RORB: variants seen among roughly 807,000 people sequenced by gnomAD.
RORB encodes the protein RAR related orphan receptor B, also known as nuclear receptor ROR-beta.
In RORB, 6 loss-of-function variants were observed where a neutral mutation model predicts 59.1. The ratio of observed to expected loss-of-function variants is 0.10; its 90% CI spans 0.06 to 0.20. RORB has a LOEUF of 0.20. Ranked by LOEUF, RORB falls within the 10% of genes least tolerant of loss-of-function variation. The pLI is 1.00. For missense variants in RORB, 320 were observed against 560.5 expected (o/e 0.57, Z 4.33); for synonymous variants, 215 against 204.5 (o/e 1.05, Z -0.44).
At chr9:74,657,620 AAGTT>A (rs1824105877) in intron 4 of RORB, among the ~76,000 whole-genome samples, 1 of 152,092 alleles carries the variant, frequency 6.6e-6, no homozygotes, top group Admixed American at 6.5e-5. Flanking sequence ...CCCCCAGACT[AAGTT>A]AGCCACTTTC....
chr9:74,572,633 GC>G (rs1457324648), intron 1 of RORB, among the ~76,000 whole-genome samples: 1 of 152,130 alleles, frequency 6.6e-6, no homozygotes, highest in Non-Finnish European at 1.5e-5. Flanking sequence ...CACTGCCATT[GC>G]CCAGAGCTAA....
At chr9:74,640,911 G>A (rs1001512165) in intron 3 of RORB, among the ~76,000 whole-genome samples, 5 of 152,234 alleles carry the variant, frequency 3.3e-5, no homozygotes, top group African/African-American at 1.2e-4. Context: ...CTTTCAGACT[G>A]TGGGAATCTC....
chr9:74,505,681 G>C (rs1825860965), intron 1 of RORB, among the ~76,000 whole-genome samples: 1 of 152,024 alleles, frequency 6.6e-6, no homozygotes, highest in South Asian at 2.1e-4. Flanking sequence ...CTCCCTCTTT[G>C]GGTTAATTTG....
At chr9:74,571,073 A>G (rs1822543510) in intron 1 of RORB, among the ~76,000 whole-genome samples, 1 of 152,008 alleles carries the variant, frequency 6.6e-6, no homozygotes, top group Admixed American at 6.6e-5. Flanking sequence ...TGTGTGCATT[A>G]AAGTTTCATC....
At chr9:74,501,719 T>C (rs1319263429) in intron 1 of RORB, among the ~76,000 whole-genome samples, 2 of 151,818 alleles carry the variant, frequency 1.3e-5, no homozygotes, top group Admixed American at 6.6e-5. Flanking sequence ...GCATCATGGG[T>C]GAGTTTGTAA....
chr9:74,690,603 G>A lies in RORB; in HGVS notation c.*4985G>A, dbSNP rs1189710281. 6.6e-6 allele frequency: 1 copy of A among 152,202 alleles called. No individual in the cohort carries two copies. Among genetic ancestry groups the A allele is most frequent in the African/African-American group, 2.4e-5 (1 of 41,440 alleles). 9.4% of individuals were successfully genotyped at this position (152,202 alleles called of 1,614,324 possible). On this transcript the variant is annotated 3_prime_UTR_variant, in exon 10 of 10. Transcript: ENST00000376896. The stretch of plus-strand genomic sequence containing the variant: ...TCTGGTTTAAAGCAAAATCGCATCT[G>A]GGGCCAGCTCAACTGCAGCAAGTCT...
intron 1 of RORB, among the ~76,000 whole-genome samples, chr9:74,619,226 T>C (rs1054878145): frequency 6.6e-6 from 1 of 152,202 alleles, no homozygotes; most frequent in African/African-American, 2.4e-5. Flanking sequence ...TGAAACTTGC[T>C]CACTTTCCAA....
At chr9:74,550,522 T>G (rs2118163042) in intron 1 of RORB, among the ~76,000 whole-genome samples, 1 of 152,336 alleles carries the variant, frequency 6.6e-6, no homozygotes, top group East Asian at 1.9e-4. Flanking sequence ...TTTCCAATGT[T>G]AGAGAAGTAG....
intron 1 of RORB, among the ~76,000 whole-genome samples, chr9:74,586,280 T>G (rs1002404322): frequency 6.6e-6 from 1 of 152,170 alleles, no homozygotes; most frequent in East Asian, 1.9e-4. Context: ...GGTGGATCAC[T>G]TGAGTCCAGG....
Position 74,630,382 on chromosome 9 carries a change from T to A in RORB, c.93+15T>A, listed in dbSNP as rs778032653. On this transcript the variant is annotated intron_variant, in intron 2 of 9. Transcript: ENST00000376896. Reference sequence around the variant, plus strand: ...AAGGCTGCAAGGTATGGGACTTTCATACAGCACGGTTCTGTATTTGCCTCA... The same window carrying A: ...AAGGCTGCAAGGTATGGGACTTTCAAACAGCACGGTTCTGTATTTGCCTCA... The A allele has an allele frequency of 3.1e-6, 5 of 1,603,658 alleles. No homozygotes were observed. Among genetic ancestry groups the A allele is most frequent in the Non-Finnish European group, 4.3e-6 (5 of 1,172,662 alleles).
intron 1 of RORB, among the ~76,000 whole-genome samples, chr9:74,569,135 A>C (rs1338731453): frequency 6.6e-6 from 1 of 152,082 alleles, no homozygotes; most frequent in Non-Finnish European, 1.5e-5. Flanking sequence ...GACACAAATG[A>C]AAAAAATTCT....
chr9:74,606,234 A>G (rs951594976), intron 1 of RORB, among the ~76,000 whole-genome samples: 1 of 152,250 alleles, frequency 6.6e-6, no homozygotes, highest in Non-Finnish European at 1.5e-5. Flanking sequence ...TGGAGAGATC[A>G]GAAAATGAAG....
chr9:74,650,854 A>T (rs1823978805), intron 4 of RORB, among the ~76,000 whole-genome samples: 1 of 152,204 alleles, frequency 6.6e-6, no homozygotes, highest in Non-Finnish European at 1.5e-5. Context: ...ACCTTCAAAG[A>T]TTACTTCTAA....
intron 4 of RORB, among the ~76,000 whole-genome samples, chr9:74,657,678 G>T (rs989004135): frequency 6.6e-6 from 1 of 152,102 alleles, no homozygotes; most frequent in Non-Finnish European, 1.5e-5. Context: ...ATTGCATCAT[G>T]ACATGAAATT....
chr9:74,665,950 T>C (rs1824257090), intron 7 of RORB, among the ~76,000 whole-genome samples: 1 of 152,176 alleles, frequency 6.6e-6, no homozygotes, highest in Admixed American at 6.5e-5. Context: ...AAGACCAGCA[T>C]GGGCAACATG....
At chr9:74,650,097 A>G (rs1587405749) in intron 4 of RORB, among the ~76,000 whole-genome samples, 1 of 152,210 alleles carries the variant, frequency 6.6e-6, no homozygotes, top group East Asian at 1.9e-4. Context: ...AAAATATTCT[A>G]CAGTAAGCAA....
At chr9:74,556,295 T>C (rs1415610569) in intron 1 of RORB, among the ~76,000 whole-genome samples, 1 of 152,196 alleles carries the variant, frequency 6.6e-6, no homozygotes, top group Non-Finnish European at 1.5e-5. Flanking sequence ...CACAAGGGCC[T>C]CTGCTGTAGG....
At chr9:74,596,616 G>A (rs978067069) in intron 1 of RORB, among the ~76,000 whole-genome samples, 2 of 152,108 alleles carry the variant, frequency 1.3e-5, no homozygotes, top group Non-Finnish European at 2.9e-5. Context: ...TTCTAAGAGA[G>A]TATCCCTGGA....
intron 1 of RORB, among the ~76,000 whole-genome samples, chr9:74,523,216 T>C (rs765957787): frequency 1.8e-4 from 27 of 151,832 alleles, no homozygotes; most frequent in Non-Finnish European, 2.7e-4. Flanking sequence ...TCCCTTAAGA[T>C]TGATGCATTT....
Sources: allele counts gnomAD v4.1 joint callset (sites outside exome capture counted in the v4.1 genomes callset), GRCh38; gene constraint gnomAD v4.1.1; transcripts MANE v1.5; gene names NCBI Gene and HGNC (gene_info 2026-07-23, HGNC 2026-07-21).